Variants in ELAC2 observed in about 807,000 individuals in gnomAD.
ELAC2 encodes the protein elaC ribonuclease Z 2.
In ELAC2, 92 loss-of-function variants were observed where a neutral mutation model predicts 105.2. The observed-to-expected ratio is 0.87, with a 90% CI of 0.74 to 1.04. The LOEUF is 1.04. ELAC2 is among the 50% of genes least tolerant of loss of function. ELAC2 has a pLI of 0.00. For synonymous variants in ELAC2, 468 were observed against 409.1 expected (o/e 1.14, Z -1.74); for missense variants, 1,099 against 1,071.7 (o/e 1.03, Z -0.36).
Position 12,992,718 on chromosome 17 carries a change from G to C in ELAC2, c.*100C>G. ...CACCTATCCTGAGCTGCCTCCTGGG[G>C]GACCGTGCTCTTCAGCTTCTACCAG... is the stretch of plus-strand genomic sequence containing the variant. On this transcript the variant is annotated 3_prime_UTR_variant, in exon 24 of 24. Transcript: ENST00000338034. 2 of 1,430,660 alleles carry C rather than the reference G, an allele frequency of 1.4e-6. No individual in the cohort carries two copies. Among genetic ancestry groups the C allele is most frequent in the South Asian group, 1.2e-5 (1 of 84,686 alleles). The allele number at this position is 1,430,660 out of a possible 1,614,324, so 88.6% of individuals were successfully genotyped here.
chr17:13,017,212 A>G, intron 1 of ELAC2, 91 bp from the exon 2 acceptor site: 2 of 1,282,938 alleles, frequency 1.6e-6, no homozygotes, highest in Non-Finnish European at 2.2e-6. Context: ...GACTCTGGAA[A>G]AAAAAAAAAG....
At chr17:13,003,261 T>C (rs2040921383) in intron 12 of ELAC2, among the ~76,000 whole-genome samples, 1 of 152,142 alleles carries the variant, frequency 6.6e-6, no homozygotes, top group Non-Finnish European at 1.5e-5. Flanking sequence ...GTAAAATAAA[T>C]GGAATCGTGT....
intron 5 of ELAC2, among the ~76,000 whole-genome samples, chr17:13,013,746 G>A (rs967889652): frequency 6.6e-6 from 1 of 152,164 alleles, no homozygotes; most frequent in African/African-American, 2.4e-5. Flanking sequence ...TTCCCATCAA[G>A]AGGCTGTAAG....
rs993292850 is a variant in ELAC2, at chr17:12,992,119, C to A, written c.*699G>T. Among the ~76,000 whole-genome samples, 1 of 144,540 alleles carries A rather than the reference C, an allele frequency of 6.9e-6. No homozygotes were observed. The highest frequency in any genetic ancestry group is 2.5e-5 in the African/African-American group (1 of 39,522). 94.8% of individuals were successfully genotyped at this position (144,540 alleles called of 152,430 possible). Reference sequence around the variant, plus strand: ...TGACACCAGCCCAGCCAGGCTCTCACTGATTGATTTGATTGATTGATTGAT... The same window carrying A: ...TGACACCAGCCCAGCCAGGCTCTCAATGATTGATTTGATTGATTGATTGAT... On this transcript the variant is annotated 3_prime_UTR_variant, in exon 24 of 24. Transcript: ENST00000338034.
In ELAC2 at chr17:13,004,990, T is replaced by G; in HGVS notation, c.982A>C (p.Arg328=). 2 of 1,612,192 alleles carry G rather than the reference T, an allele frequency of 1.2e-6. No individual in the cohort carries two copies. The highest frequency in any genetic ancestry group is 1.7e-6 in the Non-Finnish European group (2 of 1,178,330). ...CCCACCCTAGAGACCCCTCATTACC[T>G]CTGAAAGGTGGCATTCTCACAGATG... is the stretch of plus-strand genomic sequence containing the variant. The part of the protein sequence containing the change: ...QPICENATFQ[R]YQGKADAPVA... Residue 328 remains arginine (R), a splice_region_variant and synonymous_variant, in exon 11 of 24, where the codon AGG becomes CGG. Transcript: ENST00000338034.
chr17:13,007,813 G>C (rs2041194541), intron 8 of ELAC2, among the ~76,000 whole-genome samples: 1 of 152,182 alleles, frequency 6.6e-6, no homozygotes. Context: ...GGGAGGAGGA[G>C]GTTGCAGTGA....
Position 13,002,532 on chromosome 17 carries a change from G to A in ELAC2, c.1127C>T (p.Ser376Leu). 1 of 1,605,882 alleles carries A rather than the reference G, an allele frequency of 6.2e-7. No individual in the cohort carries two copies. The highest frequency in any genetic ancestry group is 8.5e-7 in the Non-Finnish European group (1 of 1,175,514). ...QHLVLNENCA[S>L]VHNLRSHKIQ... ...CTTGTGGCTGCGAAGGTTGTGAACT[G>A]AGGCACAGTTCTCATTCAGGACCAA... is the stretch of plus-strand genomic sequence containing the variant. Residue 376 changes from serine to leucine, a missense_variant, in exon 13 of 24, where the codon TCA becomes TTA. Ser to Leu is a moderately radical substitution (Grantham distance 145). Coordinates refer to ENST00000338034, the MANE Select transcript of ELAC2 (RefSeq NM_018127.7).
At chr17:13,016,767 A>AAT in intron 3 of ELAC2, 95 bp downstream of exon 3, 4 of 1,146,356 alleles carry the variant, frequency 3.5e-6, no homozygotes, top group Non-Finnish European at 5.0e-6. Context: ...AAAAAAAAAA[A>AAT]GTAGCTGCCC....
chr17:13,017,813 C>G lies in ELAC2; in HGVS notation c.135G>C (p.Lys45Asn). ...DPLRHLRTRE[K>N]RGPSGCSGGP... ...CGCCGGAGCACCCCGACGGTCCGCG[C>G]TTCTCTCGCGTGCGCAGGTGCCGCA... The change falls in exon 1 of 24, where the codon AAG (lysine) becomes AAC (asparagine). Residue 45 changes from lysine to asparagine, a missense_variant. Coordinates refer to ENST00000338034, the MANE Select transcript of ELAC2 (RefSeq NM_018127.7). 1.2e-6 allele frequency: 2 copies of G among 1,601,862 alleles called. No individual in the cohort carries two copies. The highest frequency in any genetic ancestry group is 1.7e-6 in the Non-Finnish European group (2 of 1,175,342).
At chr17:13,012,208 G>GT (rs1555580797) in intron 6 of ELAC2, among the ~76,000 whole-genome samples, 4 of 152,176 alleles carry the variant, frequency 2.6e-5, no homozygotes, top group African/African-American at 4.8e-5. Context: ...GAGAATGAAC[G>GT]TAAGTTCACT....
chr17:13,005,728 G>GC, intron 10 of ELAC2, 25 bp downstream of exon 10: 10 of 1,437,852 alleles, frequency 7.0e-6, no homozygotes, highest in Non-Finnish European at 9.7e-6. Context: ...TGTAACTGCT[G>GC]AATCAAGAAA....
Position 12,992,803 on chromosome 17 carries a change from G to C in ELAC2, c.*15C>G. 6.2e-7 allele frequency: 1 copy of C among 1,611,596 alleles called. No homozygotes were observed. Among genetic ancestry groups the C allele is most frequent in the Non-Finnish European group, 8.5e-7 (1 of 1,178,288 alleles). On this transcript the variant is annotated 3_prime_UTR_variant, in exon 24 of 24. Transcript: ENST00000338034. The stretch of plus-strand genomic sequence containing the variant: ...GAAGACACACAGCCTTCTGAGTTCA[G>C]GGTCTCCCAGATCTTCACTGGGCTC...
chr17:13,000,510 AG>A (rs2040732334), intron 14 of ELAC2: 1 of 549,760 alleles, frequency 1.8e-6, no homozygotes, highest in African/African-American at 1.9e-5. Context: ...AGGGCAAGAC[AG>A]TTTTTTTCTG....
intron 11 of ELAC2, 151 bp from the exon 12 acceptor site, chr17:13,003,725 CT>C: frequency 2.9e-6 from 2 of 690,310 alleles, no homozygotes; most frequent in South Asian, 3.3e-5. Context: ...TCACAGCAGG[CT>C]GCTCACGGCA....
In ELAC2 at chr17:12,992,537, A is replaced by G; in HGVS notation, c.*281T>C. ...AGGAAAGGTGCCGCCGTCTGTTTCC[A>G]AGACTTCTTTAAAAACTGCCTTGAA... On this transcript the variant is annotated 3_prime_UTR_variant, in exon 24 of 24. Transcript: ENST00000338034. 1 of 515,950 alleles carries G rather than the reference A, an allele frequency of 1.9e-6. No individual in the cohort carries two copies. The highest frequency in any genetic ancestry group is 3.5e-6 in the Non-Finnish European group (1 of 284,710). The allele number at this position is 515,950 out of a possible 1,614,324, so 32.0% of individuals were successfully genotyped here. A position where few individuals can be genotyped will look rare whatever the true frequency, so the allele number is the denominator to read the frequency against.
In ELAC2 at chr17:13,003,560, G is replaced by A; in HGVS notation, c.998C>T (p.Ala333Val). ...NATFQRYQGKADAPVALVVHM... is the reference protein window; with the variant it reads ...NATFQRYQGKVDAPVALVVHM... ...AACCACCAAGGCCACGGGGGCATCT[G>A]CCTTTCCTTGGTACCTGGGCAGAAG... Residue 333 changes from alanine to valine, a missense_variant, in exon 12 of 24, where the codon GCA becomes GTA. Ala to Val is a moderately conservative substitution (Grantham distance 64, BLOSUM62 0). Coordinates refer to ENST00000338034, the MANE Select transcript of ELAC2 (RefSeq NM_018127.7). The A allele has an allele frequency of 6.2e-7, 1 of 1,614,182 alleles. No homozygotes were observed. The highest frequency in any genetic ancestry group is 8.5e-7 in the Non-Finnish European group (1 of 1,180,008).
At chr17:12,996,082 A>C (rs1053566545) in intron 17 of ELAC2, 104 bp from the exon 18 acceptor site, 16 of 1,287,866 alleles carry the variant, frequency 1.2e-5, no homozygotes, top group Non-Finnish European at 1.6e-5. Context: ...GCCCGACGTC[A>C]CCCACCAGCC....
At chr17:13,012,058 TTTA>T (rs556135537) in intron 6 of ELAC2, among the ~76,000 whole-genome samples, 3 of 152,176 alleles carry the variant, frequency 2.0e-5, no homozygotes, top group Non-Finnish European at 4.4e-5. Context: ...GACATGCTTA[TTTA>T]TTATCATCAC....
intron 11 of ELAC2, among the ~76,000 whole-genome samples, 168 bp downstream of exon 11, chr17:13,004,821 C>T (rs3180451): frequency 2.0e-5 from 3 of 152,242 alleles, no homozygotes; most frequent in South Asian, 2.1e-4. Context: ...CTGTGTACAC[C>T]GGAGCCCACC....
Sources: gnomAD v4.1 joint callset for allele counts (sites outside exome capture counted in the v4.1 genomes callset) on GRCh38, gnomAD v4.1.1 for gene constraint, MANE v1.5 for transcripts, NCBI Gene and HGNC (gene_info 2026-07-23, HGNC 2026-07-21) for gene names.